Variants in ASCC3 observed in about 807,000 individuals in gnomAD.
ASCC3 encodes activating signal cointegrator 1 complex subunit 3, also known as ASC-1 complex subunit P200.
ASCC3 carries 158 observed loss-of-function variants against 256.3 expected under a neutral mutation model. The observed-to-expected ratio is 0.62, with a 90% confidence interval of 0.54 to 0.70. The LOEUF (loss-of-function observed/expected upper bound fraction) is 0.70. ASCC3 is among the 30% of genes least tolerant of loss of function. ASCC3 has a pLI of 0.00. For synonymous variants in ASCC3, 948 were observed against 883.4 expected, an observed-to-expected ratio of 1.07 and a Z score of -1.30; for missense variants, 2,259 against 2,626.0, an observed-to-expected ratio of 0.86 and a Z score of 3.05.
intron 37 of ASCC3, among the ~76,000 whole-genome samples, chr6:100,531,726 C>T (rs1022068248): frequency 3.9e-5 from 6 of 152,016 alleles, no homozygotes; most frequent in Non-Finnish European, 8.8e-5. Flanking sequence ...TCAAAAGGTT[C>T]CACAGAACTA....
At chr6:100,646,478 T>C in intron 22 of ASCC3, 137 bp downstream of exon 22, 1 of 925,894 alleles carries the variant, frequency 1.1e-6, no homozygotes, top group Non-Finnish European at 1.6e-6. Flanking sequence ...GCCCGGCTAA[T>C]TGCTATAATT....
intron 27 of ASCC3, among the ~76,000 whole-genome samples, chr6:100,628,756 T>C (rs1243748238): frequency 2.0e-5 from 3 of 152,012 alleles, no homozygotes; most frequent in Non-Finnish European, 4.4e-5. Flanking sequence ...AATTACCCAG[T>C]CTCAGGTATT....
chr6:100,866,667 G>C (rs551549176), intron 2 of ASCC3, among the ~76,000 whole-genome samples: 7 of 152,282 alleles, frequency 4.6e-5, no homozygotes, highest in Admixed American at 3.3e-4. Flanking sequence ...AAAGACACCA[G>C]GGATGTGCTT....
At chr6:100,550,777 T>A (rs1165559818) in intron 36 of ASCC3, among the ~76,000 whole-genome samples, 1 of 151,994 alleles carries the variant, frequency 6.6e-6, no homozygotes. Context: ...CTGCTAGATT[T>A]ATGTGATTTA....
At chr6:100,564,907 T>C (rs532570398) in intron 36 of ASCC3, among the ~76,000 whole-genome samples, 1 of 152,228 alleles carries the variant, frequency 6.6e-6, no homozygotes, top group Non-Finnish European at 1.5e-5. Context: ...AAATGGACAT[T>C]TAGTCCCTCA....
At chr6:100,734,618 T>C (rs919669957) in intron 10 of ASCC3, among the ~76,000 whole-genome samples, 3 of 152,200 alleles carry the variant, frequency 2.0e-5, no homozygotes, top group African/African-American at 4.8e-5. Flanking sequence ...ACAAAGCACA[T>C]ACTAAGCTTA....
In ASCC3 at chr6:100,874,485, A is replaced by AAC. The variant is rs1183463590; in HGVS notation, c.-41-6449_-41-6448dup. 2.7e-5 allele frequency among the ~76,000 whole-genome samples: 4 copies of AAC among 150,878 alleles called. No homozygotes were observed. The South Asian group carries it at 6.4e-4, about 24-fold the overall frequency. On this transcript the variant is annotated intron_variant, in intron 1 of 41. Transcript: ENST00000369162. ...GTCTCAAAAAAAAAAAAAAAAAAAA[A>AAC]ACAACTCATTGTATTTTGTACCAGG... is the stretch of plus-strand genomic sequence containing the variant.
rs57882047 is a variant in ASCC3, at chr6:100,525,156, C to CAAAAAAAAAA, written c.5776-7024_5776-7015dup. Among the ~76,000 whole-genome samples the CAAAAAAAAAA allele has an allele frequency of 7.1e-4, 32 of 44,956 alleles. 1 individual carries two copies. Among genetic ancestry groups the CAAAAAAAAAA allele is most frequent in the Admixed American group, 1.3e-3 (3 of 2,390 alleles). The allele number at this position is 44,956 out of a possible 152,430, so 29.5% of individuals were successfully genotyped here. ...TGGGTGACAGAGTGAGACCCTGTCTCAAAAAAAAAAAAAAAAAAAAAAAAA... is the reference window on the plus strand; with the variant it reads ...TGGGTGACAGAGTGAGACCCTGTCTCAAAAAAAAAAAAAAAAAAAAAAAAAAAAAAAAAAA... On this transcript the variant is annotated intron_variant, in intron 37 of 41. Coordinates refer to ENST00000369162, the MANE Select transcript of ASCC3 (RefSeq NM_006828.4).
At chr6:100,536,098 A>G (rs750833029) in intron 37 of ASCC3, among the ~76,000 whole-genome samples, 2 of 152,192 alleles carry the variant, frequency 1.3e-5, no homozygotes, top group Non-Finnish European at 2.9e-5. Context: ...GAAAAAAAGA[A>G]CTGTAAACAA....
At chr6:100,878,650 T>C (rs1352457180) in intron 1 of ASCC3, among the ~76,000 whole-genome samples, 1 of 152,154 alleles carries the variant, frequency 6.6e-6, no homozygotes, top group Non-Finnish European at 1.5e-5. Context: ...CTAGCACAGA[T>C]TATGTCTGAA....
intron 34 of ASCC3, among the ~76,000 whole-genome samples, chr6:100,598,452 G>A (rs1772429255): frequency 6.7e-6 from 1 of 150,126 alleles, no homozygotes; most frequent in Non-Finnish European, 1.5e-5. Context: ...CTGGATCAGA[G>A]GCTCACTATA....
intron 10 of ASCC3, among the ~76,000 whole-genome samples, chr6:100,748,013 A>G (rs1000946798): frequency 6.6e-6 from 1 of 152,064 alleles, no homozygotes; most frequent in African/African-American, 2.4e-5. Flanking sequence ...CCTCTTATTT[A>G]GAAAAAGGAT....
intron 4 of ASCC3, among the ~76,000 whole-genome samples, chr6:100,821,604 T>G (rs757398518): frequency 2.6e-5 from 4 of 151,966 alleles, no homozygotes; most frequent in Non-Finnish European, 5.9e-5. Context: ...GGTGGGTGGA[T>G]CACAAGGTCA....
At chr6:100,813,839 T>C (rs951277504) in intron 4 of ASCC3, among the ~76,000 whole-genome samples, 2 of 151,906 alleles carry the variant, frequency 1.3e-5, no homozygotes, top group African/African-American at 4.8e-5. Context: ...TTAAGGAGCT[T>C]TGGGGCCACA....
intron 13 of ASCC3, among the ~76,000 whole-genome samples, chr6:100,712,908 C>T (rs1411574685): frequency 2.0e-5 from 3 of 151,820 alleles, no homozygotes; most frequent in Non-Finnish European, 4.4e-5. Context: ...CAGACGCCCA[C>T]CACCACGCCC....
At chr6:100,577,014 C>T (rs574034932) in intron 36 of ASCC3, among the ~76,000 whole-genome samples, 1 of 149,208 alleles carries the variant, frequency 6.7e-6, no homozygotes, top group South Asian at 2.1e-4. Flanking sequence ...CAAGTATTAA[C>T]AGACTGCCAC....
intron 10 of ASCC3, among the ~76,000 whole-genome samples, chr6:100,744,130 C>A (rs930344727): frequency 3.9e-5 from 6 of 152,128 alleles, no homozygotes; most frequent in Non-Finnish European, 8.8e-5. Context: ...TTCAGCAAAT[C>A]CAGAAGCTGA....
chr6:100,571,901 C>T (rs1770610047), intron 36 of ASCC3, among the ~76,000 whole-genome samples: 1 of 152,172 alleles, frequency 6.6e-6, no homozygotes, highest in African/African-American at 2.4e-5. Context: ...AGAGTTATCA[C>T]CCACAGGCAG....
chr6:100,750,626 C>T (rs1442962284), intron 10 of ASCC3, among the ~76,000 whole-genome samples: 1 of 152,070 alleles, frequency 6.6e-6, no homozygotes, highest in Non-Finnish European at 1.5e-5. Context: ...ACCAGATCTA[C>T]ATCTCCTTAT....
Sources: allele counts gnomAD v4.1 joint callset (sites outside exome capture counted in the v4.1 genomes callset), GRCh38; gene constraint gnomAD v4.1.1; transcripts MANE v1.5; gene names NCBI Gene and HGNC (gene_info 2026-07-23, HGNC 2026-07-21).